The following JPH3 variants were observed in gnomAD, a reference collection of about 807,000 sequenced individuals.
The protein encoded by JPH3 is junctophilin-3.
JPH3 carries 11 observed loss-of-function variants against 59.6 expected under a neutral mutation model. The ratio of observed to expected loss-of-function variants is 0.18; its 90% CI spans 0.12 to 0.31. The LOEUF is 0.31. Among genes scored for constraint, JPH3 ranks in the 10% least tolerant of loss-of-function variants. The pLI is 1.00. For synonymous variants in JPH3, 673 were observed against 483.6 expected (o/e 1.39, Z -5.14); for missense variants, 1,202 against 1,105.7 (o/e 1.09, Z -1.24).
At chr16:87,646,894 T>G (rs528620335) in intron 2 of JPH3, among the ~76,000 whole-genome samples, 29 of 152,224 alleles carry the variant, frequency 1.9e-4, no homozygotes, top group African/African-American at 6.0e-4. Context: ...TCTGTAGGAC[T>G]GGGGGGACCT....
chr16:87,657,762 C>T (rs1001936484), intron 2 of JPH3, among the ~76,000 whole-genome samples: 1 of 144,358 alleles, frequency 6.9e-6, no homozygotes, highest in African/African-American at 2.9e-5. Flanking sequence ...AAGGATGCAA[C>T]CTGGGAGTTG....
chr16:87,681,062 C>T (rs1400687983), intron 2 of JPH3, among the ~76,000 whole-genome samples: 1 of 152,136 alleles, frequency 6.6e-6, no homozygotes, highest in African/African-American at 2.4e-5. Context: ...GTGGGAGAGA[C>T]ATTGACGAAA....
At chr16:87,619,002 C>T (rs1480790422) in intron 1 of JPH3, among the ~76,000 whole-genome samples, 1 of 151,486 alleles carries the variant, frequency 6.6e-6, no homozygotes, top group Non-Finnish European at 1.5e-5. Flanking sequence ...GCAGGAGAAT[C>T]ACTCGAACCT....
intron 2 of JPH3, among the ~76,000 whole-genome samples, chr16:87,680,573 T>C (rs1366696404): frequency 6.6e-6 from 1 of 152,154 alleles, no homozygotes; most frequent in Admixed American, 6.5e-5. Flanking sequence ...CGTGACTAGG[T>C]GGAGGCACTA....
intron 1 of JPH3, among the ~76,000 whole-genome samples, chr16:87,631,250 C>G (rs1056009612): frequency 2.6e-5 from 4 of 152,230 alleles, no homozygotes; most frequent in African/African-American, 9.7e-5. Context: ...TGTCTTCTTT[C>G]ATGGTTTCCT....
In JPH3 at chr16:87,603,052, C is replaced by T. The variant is rs2030318453; in HGVS notation, c.-95C>T. On this transcript the variant is annotated 5_prime_UTR_variant, in exon 1 of 5. Transcript: ENST00000284262. ...GCGTCCTCCTCTCCTCCGGAAAACG[C>T]TCGCGACCCAGGGCCGCCGGCGGCC... is the stretch of plus-strand genomic sequence containing the variant. 3 of 1,532,564 alleles carry T rather than the reference C, an allele frequency of 2.0e-6. No homozygotes were observed. The highest frequency in any genetic ancestry group is 1.4e-5 in the African/African-American group (1 of 72,362). 94.9% of individuals were successfully genotyped at this position (1,532,564 alleles called of 1,614,324 possible).
chr16:87,644,880 G>A lies in JPH3; in HGVS notation c.1005G>A (p.Glu335=). 8.7e-6 allele frequency: 14 copies of A among 1,613,470 alleles called. No homozygotes were observed. Among genetic ancestry groups the A allele is most frequent in the Non-Finnish European group, 1.2e-5 (14 of 1,179,938 alleles). Residue 335 remains glutamate, a synonymous_variant, in exon 2 of 5, where the codon GAG becomes GAA. Transcript: ENST00000284262. The part of the protein sequence containing the change: ...CMTFPDGTKE[E]GKYKQNILVG... ...CCTTCCCGGACGGCACCAAGGAGGA[G>A]GGCAAGTACAAGCAGAACATCCTCG...
At chr16:87,649,721 G>GT (rs2150849659) in intron 2 of JPH3, among the ~76,000 whole-genome samples, 1 of 152,274 alleles carries the variant, frequency 6.6e-6, no homozygotes, top group African/African-American at 2.4e-5. Flanking sequence ...ATTGTAGCCC[G>GT]TTTCTCCTTC....
chr16:87,678,809 G>A (rs1159073635), intron 2 of JPH3, among the ~76,000 whole-genome samples: 1 of 152,240 alleles, frequency 6.6e-6, no homozygotes. Context: ...CCACATGAGG[G>A]CAGAGGCCGA....
chr16:87,645,150 A>T (rs915728083), intron 2 of JPH3, 115 bp downstream of exon 2: 1 of 1,076,592 alleles, frequency 9.3e-7, no homozygotes, highest in African/African-American at 1.6e-5. Context: ...TTTGAGGCCT[A>T]CACTGGTGTT....
intron 3 of JPH3, among the ~76,000 whole-genome samples, chr16:87,685,711 TGGCCC>T (rs1203333569): frequency 2.0e-5 from 3 of 152,244 alleles, no homozygotes; most frequent in African/African-American, 2.4e-5. Context: ...GTACCAACCC[TGGCCC>T]ATGGTCGCCT....
chr16:87,638,632 G>A (rs1345589649), intron 1 of JPH3, among the ~76,000 whole-genome samples: 1 of 152,110 alleles, frequency 6.6e-6, no homozygotes, highest in African/African-American at 2.4e-5. Context: ...CTTGGGGAGT[G>A]AGGAGAGTGA....
At chr16:87,606,961 C>T (rs910031928) in intron 1 of JPH3, among the ~76,000 whole-genome samples, 9 of 152,132 alleles carry the variant, frequency 5.9e-5, no homozygotes, top group African/African-American at 1.9e-4. Flanking sequence ...AGTGGAGGCT[C>T]CCAGTGGGTG....
At position 87,685,143 on chromosome 16, in the gene JPH3, G is replaced by A. The variant is rs560305869; in HGVS notation, c.1285+877G>A. ...ATGAGGAGCCCAGCCTGGGGGCTGC[G>A]GGGCTGGGCGCTCCCCTGACTGGAA... is the stretch of plus-strand genomic sequence containing the variant. On this transcript the variant is annotated intron_variant, in intron 3 of 4. Transcript: ENST00000284262. Among the ~76,000 whole-genome samples, 17 of 152,306 alleles carry A rather than the reference G, an allele frequency of 1.1e-4. No individual in the cohort carries two copies. The South Asian group carries it at 1.2e-3, about 11-fold the overall frequency.
chr16:87,681,469 G>A (rs1308624830), intron 2 of JPH3, among the ~76,000 whole-genome samples: 1 of 128,118 alleles, frequency 7.8e-6, no homozygotes, highest in African/African-American at 3.0e-5. Flanking sequence ...TGCGCGCGGT[G>A]GTGACAGTGC....
intron 2 of JPH3, among the ~76,000 whole-genome samples, chr16:87,657,409 G>C (rs2032539584): frequency 6.6e-6 from 1 of 152,152 alleles, no homozygotes; most frequent in Non-Finnish European, 1.5e-5. Context: ...GAACAACGGG[G>C]AGTGGCTTCT....
intron 2 of JPH3, among the ~76,000 whole-genome samples, chr16:87,680,843 C>T (rs895220952): frequency 2.6e-5 from 4 of 152,188 alleles, no homozygotes; most frequent in Non-Finnish European, 5.9e-5. Context: ...TTTTTATATA[C>T]GTGTGAACGT....
intron 1 of JPH3, among the ~76,000 whole-genome samples, chr16:87,614,895 C>T (rs1399118699): frequency 1.1e-4 from 12 of 112,318 alleles, no homozygotes; most frequent in Admixed American, 6.4e-4. Flanking sequence ...CGTCCCCTCC[C>T]GGGATAAACG....
rs922063965 is a variant in JPH3 at position 87,603,545 on chromosome 16, G to T, written c.382+17G>T. On this transcript the variant is annotated intron_variant, in intron 1 of 4. Transcript: ENST00000284262. ...CGGACGGAGGTAGGTGCCGCGGGCCGGGCCGGGCCGGGGCGGGAGGGACGT... is the reference window on the plus strand; with the variant it reads ...CGGACGGAGGTAGGTGCCGCGGGCCTGGCCGGGCCGGGGCGGGAGGGACGT... The T allele has an allele frequency of 2.6e-6, 4 of 1,542,886 alleles. No individual in the cohort carries two copies. The African/African-American group carries it at 4.1e-5, about 16-fold the overall frequency.
Sources: allele counts gnomAD v4.1 joint callset (sites outside exome capture counted in the v4.1 genomes callset), GRCh38; gene constraint gnomAD v4.1.1; transcripts MANE v1.5; gene names NCBI Gene and HGNC (gene_info 2026-07-23, HGNC 2026-07-21).